Variants in TOGARAM1 observed in about 807,000 individuals in gnomAD.
The protein encoded by TOGARAM1 is TOG array regulator of axonemal microtubules 1, also known as TOG array regulator of axonemal microtubules protein 1.
A neutral mutation model predicts 166.6 loss-of-function variants in TOGARAM1; 100 were observed. The observed-to-expected ratio is 0.60, with a 90% CI of 0.51 to 0.71. TOGARAM1 has a LOEUF of 0.71. TOGARAM1 is among the 30% of genes least tolerant of loss of function. TOGARAM1 has a pLI of 0.00. For missense variants in TOGARAM1, 2,029 were observed against 2,102.7 expected, an observed-to-expected ratio of 0.96 and a Z score of 0.69; for synonymous variants, 758 against 763.8, an observed-to-expected ratio of 0.99 and a Z score of 0.13.
At position 44,962,773 on chromosome 14, in the gene TOGARAM1, G is replaced by A. The variant is rs374034646; in HGVS notation, c.352G>A (p.Ala118Thr). Residue 118 changes from alanine to threonine, a missense_variant, in exon 1 of 20, where the codon GCT becomes ACT. Coordinates refer to ENST00000361462, the MANE Select transcript of TOGARAM1 (RefSeq NM_001308120.2). ...DPSEAFQALQAALPRRGGRLG... is the reference protein window; with the variant it reads ...DPSEAFQALQTALPRRGGRLG... The stretch of plus-strand genomic sequence containing the variant: ...TTCTGAGGCCTTCCAGGCTTTGCAA[G>A]CTGCTTTGCCGCGGCGGGGCGGTCG... 1.2e-6 allele frequency: 2 copies of A among 1,612,808 alleles called. No homozygotes were observed. Among genetic ancestry groups the A allele is most frequent in the Non-Finnish European group, 8.5e-7 (1 of 1,180,026 alleles).
chr14:44,980,273 A>G (rs1886458131), intron 1 of TOGARAM1, among the ~76,000 whole-genome samples: 1 of 152,216 alleles, frequency 6.6e-6, no homozygotes, highest in Admixed American at 6.5e-5. Context: ...ATTAAATACA[A>G]AATTTCCAGA....
At chr14:45,034,777 C>T (rs146939321) in intron 11 of TOGARAM1, among the ~76,000 whole-genome samples, 2 of 152,122 alleles carry the variant, frequency 1.3e-5, no homozygotes, top group East Asian at 3.9e-4. Flanking sequence ...TAACTATATC[C>T]CAGAACAAAG....
chr14:45,062,458 T>G (rs1882939510), intron 16 of TOGARAM1, among the ~76,000 whole-genome samples: 1 of 152,166 alleles, frequency 6.6e-6, no homozygotes, highest in Non-Finnish European at 1.5e-5. Context: ...ATGGTATGTC[T>G]TTCTTTAAAT....
chr14:45,054,790 G>A (rs1362092732), intron 16 of TOGARAM1, among the ~76,000 whole-genome samples: 1 of 152,108 alleles, frequency 6.6e-6, no homozygotes, highest in Non-Finnish European at 1.5e-5. Context: ...ACTGGTCGAT[G>A]TTAGGCCTAT....
At chr14:44,976,580 C>T (rs1460044548) in intron 1 of TOGARAM1, among the ~76,000 whole-genome samples, 1 of 152,106 alleles carries the variant, frequency 6.6e-6, no homozygotes, top group Non-Finnish European at 1.5e-5. Context: ...GATGTTTGTT[C>T]AGTGAATTAA....
At chr14:45,039,054 C>T (rs1335005131) in intron 11 of TOGARAM1, among the ~76,000 whole-genome samples, 2 of 151,998 alleles carry the variant, frequency 1.3e-5, no homozygotes, top group Non-Finnish European at 2.9e-5. Flanking sequence ...GGAGAGGAGA[C>T]CCGGAGTGGG....
chr14:45,067,185 C>T (rs1883176510), intron 17 of TOGARAM1, among the ~76,000 whole-genome samples: 1 of 152,010 alleles, frequency 6.6e-6, no homozygotes, highest in Non-Finnish European at 1.5e-5. Context: ...TAGAACAACT[C>T]AAAGTCACTG....
At position 44,983,897 on chromosome 14, in the gene TOGARAM1, C is replaced by T. The variant is rs187673987; in HGVS notation, c.2047-11849C>T. Among the ~76,000 whole-genome samples the T allele has an allele frequency of 2.3e-3, 346 of 152,192 alleles. 4 individuals are homozygous for T. The highest frequency in any genetic ancestry group is 8.0e-3 in the African/African-American group (334 of 41,526). ...AGTGTAAATGTTGCTTATGTCAGAGCTATGTAGAATGAACTGTTGGCAACA... is the reference window on the plus strand; with the variant it reads ...AGTGTAAATGTTGCTTATGTCAGAGTTATGTAGAATGAACTGTTGGCAACA... On this transcript the variant is annotated intron_variant, in intron 1 of 19. Transcript: ENST00000361462.
chr14:45,060,110 G>T (rs1253902581), intron 16 of TOGARAM1, among the ~76,000 whole-genome samples: 1 of 151,162 alleles, frequency 6.6e-6, no homozygotes, highest in Non-Finnish European at 1.5e-5. Flanking sequence ...AGTAGAGATG[G>T]GGTTTCACCG....
At chr14:45,048,988 G>A (rs531922796) in intron 14 of TOGARAM1, among the ~76,000 whole-genome samples, 1 of 122,060 alleles carries the variant, frequency 8.2e-6, no homozygotes, top group Non-Finnish European at 1.6e-5. Context: ...ACTCAGGCCA[G>A]AACATCCGCC....
At chr14:45,072,505 C>T (rs1883429605) in intron 19 of TOGARAM1, among the ~76,000 whole-genome samples, 1 of 151,790 alleles carries the variant, frequency 6.6e-6, no homozygotes, top group Non-Finnish European at 1.5e-5. Context: ...CGGCTAATTG[C>T]AACCTCCGCC....
chr14:45,061,150 T>C (rs977184447), intron 16 of TOGARAM1, among the ~76,000 whole-genome samples: 3 of 152,260 alleles, frequency 2.0e-5, no homozygotes, highest in African/African-American at 7.2e-5. Flanking sequence ...TATGCAAATA[T>C]TCATTTATAT....
chr14:45,017,143 A>G (rs1880195353), intron 7 of TOGARAM1, among the ~76,000 whole-genome samples: 1 of 152,210 alleles, frequency 6.6e-6, no homozygotes, highest in Non-Finnish European at 1.5e-5. Flanking sequence ...TTAAGGTTGA[A>G]TATCTAAATC....
chr14:45,025,881 A>C lies in TOGARAM1; in HGVS notation c.3328+9A>C. On this transcript the variant is annotated intron_variant, in intron 8 of 19. Transcript: ENST00000361462. ...AGTAGTTGTTGGAAAAGGTATTTCAAAGTTATTTCGCTTCTTAATTATATG... is the reference window on the plus strand; with the variant it reads ...AGTAGTTGTTGGAAAAGGTATTTCACAGTTATTTCGCTTCTTAATTATATG... The C allele has an allele frequency of 1.4e-6, 2 of 1,460,230 alleles. No individual in the cohort carries two copies. Among genetic ancestry groups the C allele is most frequent in the Admixed American group, 1.7e-5 (1 of 57,320 alleles). 90.5% of individuals were successfully genotyped at this position (1,460,230 alleles called of 1,614,324 possible).
chr14:44,993,602 A>G lies in TOGARAM1; in HGVS notation c.2047-2144A>G, dbSNP rs554206749. Among the ~76,000 whole-genome samples the G allele has an allele frequency of 4.6e-5, 7 of 152,272 alleles. No individual in the cohort carries two copies. The East Asian group carries it at 1.3e-3, about 29-fold the overall frequency. On this transcript the variant is annotated intron_variant, in intron 1 of 19. Coordinates refer to ENST00000361462, the MANE Select transcript of TOGARAM1 (RefSeq NM_001308120.2). ...ACTCTAAACCACTTTTTCTTCGTTCATTGTTTCGTCCCATCAAAACTTACC... is the reference window on the plus strand; with the variant it reads ...ACTCTAAACCACTTTTTCTTCGTTCGTTGTTTCGTCCCATCAAAACTTACC...
chr14:45,002,618 T>A (rs1887738936), intron 3 of TOGARAM1, among the ~76,000 whole-genome samples: 1 of 152,232 alleles, frequency 6.6e-6, no homozygotes, highest in South Asian at 2.1e-4. Flanking sequence ...TTGGTGTATG[T>A]TGCATTGCAT....
chr14:44,973,477 A>G (rs1886006881), intron 1 of TOGARAM1, among the ~76,000 whole-genome samples: 2 of 151,738 alleles, frequency 1.3e-5, no homozygotes, highest in Non-Finnish European at 2.9e-5. Flanking sequence ...AATCAAATAC[A>G]TTGTTGCTAT....
chr14:45,021,260 A>G (rs574204891), intron 7 of TOGARAM1, among the ~76,000 whole-genome samples: 2 of 152,286 alleles, frequency 1.3e-5, no homozygotes, highest in African/African-American at 4.8e-5. Flanking sequence ...ATTTGCATGC[A>G]TGCAAAGAGT....
Position 45,028,225 on chromosome 14 carries a change from G to A in TOGARAM1, c.3554G>A (p.Arg1185Lys). 1 of 1,595,608 alleles carries A rather than the reference G, an allele frequency of 6.3e-7. No individual in the cohort carries two copies. The highest frequency in any genetic ancestry group is 8.5e-7 in the Non-Finnish European group (1 of 1,174,724). The change falls in exon 10 of 20, where the codon AGA becomes AAA. Residue 1185 changes from arginine (R) to lysine (K), a missense_variant. Around this residue, in one of 2 missense-constraint regions of TOGARAM1, gnomAD observed 1,453 missense variants for 1,432.2 expected, o/e 1.01. Coordinates refer to ENST00000361462, the MANE Select transcript of TOGARAM1 (RefSeq NM_001308120.2). ...KSTYNKMRQKRKEEKELFHNK... is the reference protein window; with the variant it reads ...KSTYNKMRQKKKEEKELFHNK... ...ACTTATAACAAGATGAGACAAAAGA[G>A]AAAAGAAGAGAAAGAACTGTTTCAC...
Sources: allele counts gnomAD v4.1 joint callset (sites outside exome capture counted in the v4.1 genomes callset), GRCh38; gene constraint gnomAD v4.1.1; regional missense constraint gnomAD v4.1.1; transcripts MANE v1.5; gene names NCBI Gene and HGNC (gene_info 2026-07-23, HGNC 2026-07-21).